Variants in XKR7 observed in about 807,000 individuals in gnomAD.
XKR7 encodes XK related 7.
In XKR7, 11 loss-of-function variants were observed where a neutral mutation model predicts 42.2. That is an observed-to-expected ratio of 0.26 (90% CI 0.16 to 0.43). The LOEUF is 0.43. XKR7 is among the 20% of genes least tolerant of loss of function. The pLI, the probability that XKR7 is intolerant of heterozygous loss-of-function variation, is 1.00. For synonymous variants in XKR7, 346 were observed against 366.4 expected, an observed-to-expected ratio of 0.94 and a Z score of 0.64; for missense variants, 710 against 802.2, an observed-to-expected ratio of 0.89 and a Z score of 1.39.
intron 1 of XKR7, among the ~76,000 whole-genome samples, chr20:31,987,590 C>A (rs1386338076): frequency 6.6e-6 from 1 of 151,720 alleles, no homozygotes; most frequent in East Asian, 1.9e-4. Flanking sequence ...AGTATCAAGA[C>A]ACAGACACAC....
chr20:31,987,694 G>A (rs1402104451), intron 1 of XKR7, among the ~76,000 whole-genome samples: 2 of 152,190 alleles, frequency 1.3e-5, no homozygotes, highest in East Asian at 3.8e-4. Context: ...AGATCACCAA[G>A]TGGACCCAGT....
intron 1 of XKR7, among the ~76,000 whole-genome samples, chr20:31,981,499 C>T (rs920678037): frequency 6.6e-6 from 1 of 152,172 alleles, no homozygotes; most frequent in African/African-American, 2.4e-5. Flanking sequence ...TGAGATCAGC[C>T]TGGCCAACAT....
At chr20:31,990,179 CGTGT>C (rs56235886) in intron 1 of XKR7, among the ~76,000 whole-genome samples, 1,805 of 144,124 alleles carry the variant, frequency 0.013, 11 homozygotes, top group African/African-American at 0.018. Context: ...AAATTCATTG[CGTGT>C]GTGTGTGTGT....
intron 1 of XKR7, among the ~76,000 whole-genome samples, chr20:31,979,795 CA>C (rs1342857528): frequency 6.6e-6 from 1 of 152,114 alleles, no homozygotes; most frequent in Non-Finnish European, 1.5e-5. Flanking sequence ...ACCAAATCCA[CA>C]TGAGGATATC....
rs112568117 is a variant in XKR7 at position 31,996,728 on chromosome 20, C to A, written c.1011C>A (p.Cys337Ter). ...GCATCTTCATCGTGGCCCACTGGTG[C>A]GTCATGACCTTCTGGGTCATCCAAG... is the stretch of plus-strand genomic sequence containing the variant. ...YFGIFIVAHW[C>*]VMTFWVIQGE... is the part of the protein sequence containing the mutation. Residue 337 changes from cysteine to a stop codon, truncating the protein, a stop_gained, in exon 3 of 3, where the codon TGC becomes TGA. Coordinates refer to ENST00000562532, the MANE Select transcript of XKR7 (RefSeq NM_001011718.2). LOFTEE classifies it high-confidence loss of function. 1 of 1,613,450 alleles carries A rather than the reference C, an allele frequency of 6.2e-7. No individual in the cohort carries two copies. Among genetic ancestry groups the A allele is most frequent in the East Asian group, 2.2e-5 (1 of 44,856 alleles).
At chr20:31,986,425 C>G (rs935022329) in intron 1 of XKR7, among the ~76,000 whole-genome samples, 3 of 141,982 alleles carry the variant, frequency 2.1e-5, no homozygotes, top group African/African-American at 8.1e-5. Flanking sequence ...ATCCAAGGCA[C>G]AGACAGACAG....
chr20:31,994,953 A>C, intron 1 of XKR7, 115 bp from the exon 2 acceptor site: 2 of 1,478,918 alleles, frequency 1.4e-6, no homozygotes, highest in Non-Finnish European at 1.8e-6. Context: ...AGCTGAGGAA[A>C]CAGGCTCAGC....
chr20:31,990,751 T>C (rs2064566783), intron 1 of XKR7, among the ~76,000 whole-genome samples: 1 of 151,990 alleles, frequency 6.6e-6, no homozygotes, highest in Non-Finnish European at 1.5e-5. Context: ...TTTGATTCTG[T>C]AGTTTTTCCC....
intron 1 of XKR7, among the ~76,000 whole-genome samples, chr20:31,989,281 C>CT (rs902806023): frequency 3.3e-5 from 4 of 119,508 alleles, no homozygotes; most frequent in South Asian, 2.6e-4. Flanking sequence ...GGACACCCCC[C>CT]CCCCAGCGCA....
At chr20:31,980,454 A>G (rs1233643073) in intron 1 of XKR7, among the ~76,000 whole-genome samples, 1 of 152,152 alleles carries the variant, frequency 6.6e-6, no homozygotes, top group African/African-American at 2.4e-5. Flanking sequence ...TTCCTAGAGA[A>G]CCCATAGACC....
rs113653639 is a variant in XKR7 at position 31,995,212 on chromosome 20, G to A, written c.729G>A (p.Gln243=). ...LLETFLRSAP[Q]LVLQLSLLVH... is the part of the protein sequence containing the mutation. ...AGACCTTCCTGCGCAGCGCGCCGCAGCTAGTGCTGCAGCTCAGCCTGCTGG... is the reference window on the plus strand; with the variant it reads ...AGACCTTCCTGCGCAGCGCGCCGCAACTAGTGCTGCAGCTCAGCCTGCTGG... Residue 243 remains glutamine, a synonymous_variant, in exon 2 of 3, where the codon CAG becomes CAA. Transcript: ENST00000562532. This position sits in a 1 kb window ranked among gnomAD's most constrained non-coding sequence, Gnocchi z 4.1. The A allele has an allele frequency of 2.1e-5, 33 of 1,545,692 alleles. No homozygotes were observed. In the African/African-American group the frequency reaches 3.3e-4, roughly 15 times the overall value.
At chr20:31,980,129 C>T (rs1246135353) in intron 1 of XKR7, among the ~76,000 whole-genome samples, 1 of 83,084 alleles carries the variant, frequency 1.2e-5, no homozygotes, top group Non-Finnish European at 2.2e-5. Context: ...GGCTTTAGCC[C>T]AGAAAAAAAA....
chr20:31,993,440 G>C (rs1196215361), intron 1 of XKR7, among the ~76,000 whole-genome samples: 1 of 152,144 alleles, frequency 6.6e-6, no homozygotes, highest in African/African-American at 2.4e-5. Context: ...GGATTAACTA[G>C]GGCTCAGAGA....
At position 31,996,539 on chromosome 20, in the gene XKR7, C is replaced by T; in HGVS notation, c.822C>T (p.Ala274=). ...LSTSASLVSL[A]WTLASYQKVL... ...CCTCCGCCTCCCTCGTGTCTCTGGCCTGGACGCTGGCCTCCTACCAGAAGG... is the reference window on the plus strand; with the variant it reads ...CCTCCGCCTCCCTCGTGTCTCTGGCTTGGACGCTGGCCTCCTACCAGAAGG... Residue 274 remains alanine (A), a synonymous_variant, in exon 3 of 3, where the codon GCC becomes GCT. Transcript: ENST00000562532. The T allele has an allele frequency of 7.3e-7, 1 of 1,364,482 alleles. No homozygotes were observed. The highest frequency in any genetic ancestry group is 9.6e-7 in the Non-Finnish European group (1 of 1,046,154). 84.5% of individuals were successfully genotyped at this position (1,364,482 alleles called of 1,614,324 possible).
intron 1 of XKR7, among the ~76,000 whole-genome samples, chr20:31,987,848 A>G (rs1373049520): frequency 6.6e-6 from 1 of 152,230 alleles, no homozygotes. Context: ...AATAGGACAT[A>G]GTATCTGAGA....
chr20:31,976,825 T>C (rs1159041773), intron 1 of XKR7, among the ~76,000 whole-genome samples: 1 of 152,248 alleles, frequency 6.6e-6, no homozygotes, highest in Non-Finnish European at 1.5e-5. Context: ...GTTGTGATCA[T>C]CTACCCACCT....
intron 1 of XKR7, among the ~76,000 whole-genome samples, chr20:31,978,920 A>G (rs539230783): frequency 3.9e-4 from 60 of 152,266 alleles, no homozygotes; most frequent in African/African-American, 1.4e-3. Flanking sequence ...AGATCACTTG[A>G]GGTCAGGAGT....
In XKR7 at chr20:31,968,484, C is replaced by G; in HGVS notation, c.309C>G (p.Val103=). The change falls in exon 1 of 3, where the codon GTC becomes GTG. Residue 103 remains valine, a synonymous_variant. Coordinates refer to ENST00000562532, the MANE Select transcript of XKR7 (RefSeq NM_001011718.2). The surrounding 1 kb of genome is among the most constrained non-coding windows in gnomAD (Gnocchi z 4.5). ...TLLFVLLPSL[V]VQLLSFRWFV... ...TGTTCGTGCTCCTGCCCTCGCTGGT[C>G]GTGCAGTTACTGAGCTTCCGCTGGT... 17 of 1,613,872 alleles carry G rather than the reference C, an allele frequency of 1.1e-5. No individual in the cohort carries two copies. The highest frequency in any genetic ancestry group is 1.3e-5 in the Non-Finnish European group (15 of 1,179,850).
intron 1 of XKR7, among the ~76,000 whole-genome samples, chr20:31,974,797 T>C (rs6061069): frequency 0.44 from 67,051 of 152,074 alleles, 18,234 homozygotes; most frequent in African/African-American, 0.77. Context: ...TTGATTACAG[T>C]CCCCTGAACT....
Sources: gnomAD v4.1 joint callset for allele counts (sites outside exome capture counted in the v4.1 genomes callset) on GRCh38, gnomAD v4.1.1 for gene constraint, Gnocchi (gnomAD v3.1) non-coding constraint, MANE v1.5 for transcripts, NCBI Gene and HGNC (gene_info 2026-07-23, HGNC 2026-07-21) for gene names.